The following C12orf54 variants were observed in gnomAD, a reference collection of about 807,000 sequenced individuals.
The protein encoded by C12orf54 is uncharacterized protein C12orf54.
C12orf54 carries 24 observed loss-of-function variants against 26.4 expected under a neutral mutation model. The ratio of observed to expected loss-of-function variants is 0.91; its 90% confidence interval spans 0.66 to 1.28. C12orf54 has a LOEUF of 1.28. Ranked by LOEUF, C12orf54 falls within the 50% of genes most tolerant of loss-of-function variation. C12orf54 has a pLI of 0.00. For missense variants in C12orf54, 154 were observed against 150.9 expected, an observed-to-expected ratio of 1.02 and a Z score of -0.11; for synonymous variants, 54 against 47.0, an observed-to-expected ratio of 1.15 and a Z score of -0.61.
chr12:48,483,423 C>A lies in C12orf54; in HGVS notation c.65+62C>A, dbSNP rs541570812. 782 of 1,496,168 alleles carry A rather than the reference C, an allele frequency of 5.2e-4. 4 individuals are homozygous for A. In the Middle Eastern group the frequency reaches 6.2e-3, roughly 12 times the overall value. The allele number at this position is 1,496,168 out of a possible 1,614,324, so 92.7% of individuals were successfully genotyped here. ...ATTGCTATACTCTATGGGAGAAGAA[C>A]CAGGGCCTCCTGTCTTCTATGGCTC... On this transcript the variant is annotated intron_variant, in intron 2 of 8. Transcript: ENST00000548364.
chr12:48,457,549 GT>G, the C12orf54 span, among the ~76,000 whole-genome samples: 1 of 152,048 alleles, frequency 6.6e-6, no homozygotes, highest in Non-Finnish European at 1.5e-5. Flanking sequence ...GGTCAGGCTG[GT>G]CTCGAACTCC....
intron 1 of C12orf54, 132 bp downstream of exon 1, chr12:48,482,708 C>T (rs1238959177): frequency 6.6e-6 from 1 of 151,976 alleles, no homozygotes; most frequent in East Asian, 1.9e-4. Flanking sequence ...GCCTATGAGC[C>T]CTTCTTCTCT....
At chr12:48,417,591 T>C in the C12orf54 span, among the ~76,000 whole-genome samples, 1 of 152,188 alleles carries the variant, frequency 6.6e-6, no homozygotes, top group East Asian at 1.9e-4. Context: ...TAATTTCAGC[T>C]TTCGTTTTAG....
upstream of C12orf54, chr12:48,482,490 AGGAGGC>A (rs1592197770): frequency 6.6e-6 from 1 of 152,224 alleles, no homozygotes; most frequent in Non-Finnish European, 1.5e-5. Flanking sequence ...ATATGGGAAC[AGGAGGC>A]TGTTGTGAGA....
the C12orf54 span, among the ~76,000 whole-genome samples, chr12:48,471,160 G>C: frequency 6.6e-6 from 1 of 150,600 alleles, no homozygotes; most frequent in Non-Finnish European, 1.5e-5. Context: ...CTATTGTTTT[G>C]ATTTTTAGAT....
At chr12:48,442,088 C>G in the C12orf54 span, 1 of 153,366 alleles carries the variant, frequency 6.5e-6, no homozygotes, top group Non-Finnish European at 1.5e-5. Context: ...GTTCTTCAGG[C>G]TGTAAATGAG....
the C12orf54 span, among the ~76,000 whole-genome samples, chr12:48,443,483 G>A: frequency 1.3e-5 from 2 of 152,192 alleles, no homozygotes; most frequent in African/African-American, 4.8e-5. Context: ...GTCATGGAAA[G>A]TGAAAAGGGA....
chr12:48,441,776 A>T, the C12orf54 span, among the ~76,000 whole-genome samples: 2 of 152,240 alleles, frequency 1.3e-5, no homozygotes, highest in African/African-American at 4.8e-5. Flanking sequence ...TCTTCTTCTG[A>T]CTAGGACTGA....
chr12:48,477,565 A>G (rs1954156426), upstream of C12orf54, among the ~76,000 whole-genome samples: 2 of 152,232 alleles, frequency 1.3e-5, no homozygotes, highest in Non-Finnish European at 2.9e-5. Context: ...CAAAGGGGAT[A>G]TTACCACCAA....
the C12orf54 span, among the ~76,000 whole-genome samples, chr12:48,453,713 AAAG>A: frequency 6.7e-6 from 1 of 150,268 alleles, no homozygotes; most frequent in African/African-American, 2.4e-5. Context: ...GGTATCTTTT[AAAG>A]AATAAAACAA....
Position 48,496,422 on chromosome 12 carries a change from G to C in C12orf54, c.*282G>C, listed in dbSNP as rs938491913. On this transcript the variant is annotated 3_prime_UTR_variant, in exon 9 of 9. Transcript: ENST00000548364. ...TGGTTCTTCCTGGGCTGTGGAATGG[G>C]TAGTGATAGAATTTCCAAGTATGAT... 1 of 152,670 alleles carries C rather than the reference G, an allele frequency of 6.6e-6. No individual in the cohort carries two copies. Among genetic ancestry groups the C allele is most frequent in the Non-Finnish European group, 1.5e-5 (1 of 68,056 alleles). 9.5% of individuals were successfully genotyped at this position (152,670 alleles called of 1,614,324 possible). A position where few individuals can be genotyped will look rare whatever the true frequency, so the allele number is the denominator to read the frequency against.
At chr12:48,472,454 G>A in the C12orf54 span, among the ~76,000 whole-genome samples, 2 of 152,172 alleles carry the variant, frequency 1.3e-5, no homozygotes, top group Non-Finnish European at 2.9e-5. Flanking sequence ...AGAGGAAGTA[G>A]TCATTATTCT....
chr12:48,457,898 C>T, the C12orf54 span, among the ~76,000 whole-genome samples: 1 of 152,138 alleles, frequency 6.6e-6, no homozygotes, highest in African/African-American at 2.4e-5. Context: ...TCCAGGGTCT[C>T]CTTATTGCAA....
chr12:48,489,081 A>T (rs755939970), intron 5 of C12orf54, 125 bp downstream of exon 5: 30 of 968,332 alleles, frequency 3.1e-5, no homozygotes, highest in Non-Finnish European at 5.0e-6. Context: ...TTTTCTAGTG[A>T]TTTCTCCCTT....
the C12orf54 span, among the ~76,000 whole-genome samples, chr12:48,474,714 GTTAGTTGTTTGA>G: frequency 3.3e-5 from 5 of 152,264 alleles, no homozygotes; most frequent in Admixed American, 6.5e-5. Flanking sequence ...CCATTGCCAA[GTTAGTTGTTTGA>G]TTAGGTAAAC....
At chr12:48,482,281 A>T (rs1368312173), upstream of C12orf54, among the ~76,000 whole-genome samples, 1 of 152,208 alleles carries the variant, frequency 6.6e-6, no homozygotes, top group Non-Finnish European at 1.5e-5. Context: ...GAATCAATGG[A>T]TTTCCAATGC....
chr12:48,483,261 T>G lies in C12orf54; in HGVS notation c.-36T>G, dbSNP rs755688847. On this transcript the variant is annotated 5_prime_UTR_variant, in exon 2 of 9. Transcript: ENST00000548364. ...CCAGGGCCTGGAGCTATCTCCATCTTCAGCTCCAGAGTCCTTGGTTTCTGT... is the reference window on the plus strand; with the variant it reads ...CCAGGGCCTGGAGCTATCTCCATCTGCAGCTCCAGAGTCCTTGGTTTCTGT... 1.3e-6 allele frequency: 2 copies of G among 1,591,228 alleles called. No homozygotes were observed. The highest frequency in any genetic ancestry group is 1.7e-6 in the Non-Finnish European group (2 of 1,159,438).
the C12orf54 span, among the ~76,000 whole-genome samples, chr12:48,474,398 G>T: frequency 2.6e-5 from 4 of 152,172 alleles, no homozygotes; most frequent in Non-Finnish European, 5.9e-5. Context: ...GTAGGTGCAG[G>T]ACAGTGGGTG....
At chr12:48,418,604 A>G in the C12orf54 span, among the ~76,000 whole-genome samples, 29 of 152,310 alleles carry the variant, frequency 1.9e-4, no homozygotes, top group Non-Finnish European at 3.1e-4. Flanking sequence ...GCATGTGAGG[A>G]ATGGTTGGCT....
Sources: allele counts gnomAD v4.1 joint callset (sites outside exome capture counted in the v4.1 genomes callset), GRCh38; gene constraint gnomAD v4.1.1; transcripts MANE v1.5; gene names NCBI Gene and HGNC (gene_info 2026-07-23, HGNC 2026-07-21).